The following FRMD5 variants were observed in gnomAD, a reference collection of about 807,000 sequenced individuals.
FRMD5 encodes the protein FERM domain-containing protein 5.
A neutral mutation model predicts 69.0 loss-of-function variants in FRMD5; 20 were observed. That is an observed-to-expected ratio of 0.29 (90% CI 0.20 to 0.42). FRMD5 has a LOEUF of 0.42. FRMD5 is among the 10% of genes least tolerant of loss of function. FRMD5 has a pLI of 1.00. For synonymous variants in FRMD5, 271 were observed against 260.1 expected (o/e 1.04, Z -0.40); for missense variants, 595 against 708.6 (o/e 0.84, Z 1.82).
chr15:44,122,930 T>C (rs570807062), intron 1 of FRMD5, among the ~76,000 whole-genome samples: 2 of 152,146 alleles, frequency 1.3e-5, no homozygotes, highest in African/African-American at 4.8e-5. Context: ...TCTAATTTAA[T>C]AAGTTTAATT....
chr15:44,160,142 TC>T, intron 1 of FRMD5, among the ~76,000 whole-genome samples: 1 of 152,130 alleles, frequency 6.6e-6, no homozygotes. Flanking sequence ...TCACTTGAGG[TC>T]AGGAGTTTGA....
At chr15:43,915,322 ATACT>A (rs903233267) in intron 4 of FRMD5, among the ~76,000 whole-genome samples, 5 of 152,226 alleles carry the variant, frequency 3.3e-5, no homozygotes, top group Non-Finnish European at 5.9e-5. Context: ...CAAGCCAAAA[ATACT>A]TACTATTTGG....
At chr15:44,126,268 C>T (rs973522343) in intron 1 of FRMD5, among the ~76,000 whole-genome samples, 2 of 152,204 alleles carry the variant, frequency 1.3e-5, no homozygotes, top group Non-Finnish European at 2.9e-5. Context: ...GAAATCCAGG[C>T]ACTTCAAAGT....
At chr15:44,130,075 G>T (rs1402219918) in intron 1 of FRMD5, among the ~76,000 whole-genome samples, 1 of 152,168 alleles carries the variant, frequency 6.6e-6, no homozygotes, top group African/African-American at 2.4e-5. Context: ...ACCTTGCTTG[G>T]TGATTCCTGT....
At chr15:44,186,223 G>A (rs997060567) in intron 1 of FRMD5, among the ~76,000 whole-genome samples, 3 of 152,214 alleles carry the variant, frequency 2.0e-5, no homozygotes, top group East Asian at 1.9e-4. Context: ...CACCGCACCC[G>A]GCCTTTCTTG....
chr15:44,164,029 G>A (rs1566979328), intron 1 of FRMD5, among the ~76,000 whole-genome samples: 1 of 152,142 alleles, frequency 6.6e-6, no homozygotes, highest in Admixed American at 6.5e-5. Flanking sequence ...ATTTTATGCT[G>A]CTCCTTAACC....
intron 1 of FRMD5, among the ~76,000 whole-genome samples, chr15:44,153,404 G>T (rs2077477142): frequency 6.6e-6 from 1 of 152,142 alleles, no homozygotes; most frequent in East Asian, 1.9e-4. Flanking sequence ...AGGAAACTCT[G>T]ACATAGGCTT....
At chr15:43,963,208 A>G (rs928566335) in intron 1 of FRMD5, among the ~76,000 whole-genome samples, 5 of 152,252 alleles carry the variant, frequency 3.3e-5, no homozygotes, top group African/African-American at 1.2e-4. Context: ...ACAAATTTAC[A>G]AGAATAAAAC....
rs922683495 is a variant in FRMD5, at chr15:44,024,376, C to T, written c.103-100067G>A. Among the ~76,000 whole-genome samples the T allele has an allele frequency of 8.5e-5, 13 of 152,238 alleles. No individual in the cohort carries two copies. In the East Asian group the frequency reaches 2.3e-3, roughly 27 times the overall value. The stretch of plus-strand genomic sequence containing the variant: ...ACAGGGTATGATAACCTTCACAACA[C>T]CAGAGTGTTCTCCAGAGTGGCATAT... On this transcript the variant is annotated intron_variant, in intron 1 of 13. Transcript: ENST00000417257.
chr15:44,194,711 G>C (rs774670873), intron 1 of FRMD5: 58 of 612,376 alleles, frequency 9.5e-5, no homozygotes, highest in Non-Finnish European at 1.7e-4. Flanking sequence ...AGCAGGGTAG[G>C]ACTTAGGGGT....
chr15:44,092,507 A>C (rs770837245), intron 1 of FRMD5, among the ~76,000 whole-genome samples: 1 of 152,214 alleles, frequency 6.6e-6, no homozygotes, highest in African/African-American at 2.4e-5. Flanking sequence ...TTGTCATTTT[A>C]TCTCATGAAG....
At chr15:44,077,678 G>A (rs1431665413) in intron 1 of FRMD5, among the ~76,000 whole-genome samples, 2 of 152,006 alleles carry the variant, frequency 1.3e-5, no homozygotes, top group African/African-American at 4.8e-5. Flanking sequence ...CAAACAGATA[G>A]GGGAGGAAAC....
At chr15:43,961,902 T>C (rs2090208081) in intron 1 of FRMD5, among the ~76,000 whole-genome samples, 2 of 152,166 alleles carry the variant, frequency 1.3e-5, no homozygotes, top group Admixed American at 6.5e-5. Flanking sequence ...ATGGGATGTA[T>C]CTCAAAATAA....
intron 13 of FRMD5, among the ~76,000 whole-genome samples, chr15:43,874,886 T>C (rs949147474): frequency 7.4e-5 from 11 of 148,620 alleles, no homozygotes; most frequent in South Asian, 4.2e-4. Context: ...GGCAACAGAG[T>C]GAGTAAGATT....
intron 1 of FRMD5, among the ~76,000 whole-genome samples, chr15:43,957,262 C>A (rs1419425936): frequency 6.6e-6 from 1 of 152,004 alleles, no homozygotes; most frequent in South Asian, 2.1e-4. Flanking sequence ...GTGGTGAGAT[C>A]TTGGCTCCCT....
intron 8 of FRMD5, among the ~76,000 whole-genome samples, chr15:43,889,209 T>G (rs1326749585): frequency 6.6e-6 from 1 of 152,152 alleles, no homozygotes; most frequent in African/African-American, 2.4e-5. Context: ...ATAACACAGG[T>G]GCATTATCTG....
intron 1 of FRMD5, among the ~76,000 whole-genome samples, chr15:44,050,528 CTTTTTT>C (rs34133842): frequency 4.3e-5 from 4 of 93,758 alleles, no homozygotes; most frequent in African/African-American, 1.0e-4. Flanking sequence ...GCCTGGCTCC[CTTTTTT>C]TTTTTTTTTT....
chr15:43,997,029 T>C (rs1238488001), intron 1 of FRMD5, among the ~76,000 whole-genome samples: 1 of 152,134 alleles, frequency 6.6e-6, no homozygotes, highest in Non-Finnish European at 1.5e-5. Flanking sequence ...TGAACTAGAA[T>C]GTACAAACAC....
intron 1 of FRMD5, among the ~76,000 whole-genome samples, chr15:43,936,622 G>C (rs2089766132): frequency 6.6e-6 from 1 of 151,916 alleles, no homozygotes; most frequent in Non-Finnish European, 1.5e-5. Flanking sequence ...ATCAAACTGG[G>C]GTAAGGGTAT....
Sources: allele counts gnomAD v4.1 joint callset (sites outside exome capture counted in the v4.1 genomes callset), GRCh38; gene constraint gnomAD v4.1.1; transcripts MANE v1.5; gene names NCBI Gene and HGNC (gene_info 2026-07-23, HGNC 2026-07-21).